Variants in CNTNAP2 observed in about 807,000 individuals in gnomAD.
CNTNAP2 encodes contactin-associated protein-like 2.
In CNTNAP2, 98 loss-of-function variants were observed where a neutral mutation model predicts 155.2. The ratio of observed to expected loss-of-function variants is 0.63; its 90% CI spans 0.54 to 0.75. The LOEUF (loss-of-function observed/expected upper bound fraction) is 0.75, where lower values mean the gene tolerates loss of function less well. Among genes scored for constraint, CNTNAP2 ranks in the 30% least tolerant of loss-of-function variants. The pLI, the probability that CNTNAP2 is intolerant of heterozygous loss-of-function variation, is 0.00. For missense variants in CNTNAP2, 1,727 were observed against 1,688.1 expected (o/e 1.02, Z -0.40); for synonymous variants, 651 against 631.2 (o/e 1.03, Z -0.47).
chr7:148,354,178 ATTTTTTTTT>A lies in CNTNAP2; in HGVS notation c.3476-29452_3476-29444del, dbSNP rs57278575. Among the ~76,000 whole-genome samples the A allele has an allele frequency of 3.3e-3, 327 of 99,340 alleles. 3 individuals are homozygous for A. Among genetic ancestry groups the A allele is most frequent in the East Asian group, 7.4e-3 (23 of 3,124 alleles). The allele number at this position is 99,340 out of a possible 152,430, so 65.2% of individuals were successfully genotyped here. ...GGTGCTGAGAAATACGAAACGATTA[ATTTTTTTTT>A]TTTTTTTTTTTTTTTTTTGTAAACC... On this transcript the variant is annotated intron_variant, in intron 21 of 23. Transcript: ENST00000361727.
Position 147,903,547 on chromosome 7 carries a change from C to T in CNTNAP2, c.2099-18C>T, listed in dbSNP as rs1030042067. 1 of 1,614,006 alleles carries T rather than the reference C, an allele frequency of 6.2e-7. No individual in the cohort carries two copies. Among genetic ancestry groups the T allele is most frequent in the Middle Eastern group, 1.6e-4 (1 of 6,062 alleles). ...AACCCAGGTCTGTTTCTAAATATAC[C>T]TTTGCCTTTTCTTGTAGATGGAAGC... On this transcript the variant is annotated intron_variant, in intron 13 of 23. Transcript: ENST00000361727.
chr7:147,473,466 C>T (rs1358989077), intron 10 of CNTNAP2, among the ~76,000 whole-genome samples: 4 of 151,842 alleles, frequency 2.6e-5, no homozygotes, highest in Non-Finnish European at 5.9e-5. Flanking sequence ...TTCCTCTGTT[C>T]TGGTTGTGTA....
At position 147,162,120 on chromosome 7, in the gene CNTNAP2, A is replaced by C. The variant is rs1004455668; in HGVS notation, c.1348+29611A>C. The C allele has an allele frequency of 1.9e-4, 29 of 152,164 alleles. No individual in the cohort carries two copies. In the Middle Eastern group the frequency reaches 0.01, roughly 54 times the overall value. 9.4% of individuals were successfully genotyped at this position (152,164 alleles called of 1,614,324 possible). A position where few individuals can be genotyped will look rare whatever the true frequency, so the allele number is the denominator to read the frequency against. Reference sequence around the variant, plus strand: ...TCAACTCACTTTTTGCACACTCACAAATATTCTATCTCTCAGTACTAAAGA... The same window carrying C: ...TCAACTCACTTTTTGCACACTCACACATATTCTATCTCTCAGTACTAAAGA... On this transcript the variant is annotated intron_variant, in intron 8 of 23. Coordinates refer to ENST00000361727, the MANE Select transcript of CNTNAP2 (RefSeq NM_014141.6).
intron 1 of CNTNAP2, among the ~76,000 whole-genome samples, chr7:146,185,522 G>A (rs1047391710): frequency 6.6e-6 from 1 of 152,152 alleles, no homozygotes; most frequent in African/African-American, 2.4e-5. Flanking sequence ...GGAACTCTCT[G>A]TAAATTTTAA....
intron 18 of CNTNAP2, among the ~76,000 whole-genome samples, chr7:148,180,030 T>G (rs922533600): frequency 2.0e-5 from 3 of 152,144 alleles, no homozygotes; most frequent in Non-Finnish European, 4.4e-5. Flanking sequence ...AGAAAATTAA[T>G]TAATACAAAA....
chr7:148,409,815 G>A (rs1355198636), intron 23 of CNTNAP2, among the ~76,000 whole-genome samples: 2,707 of 47,822 alleles, frequency 0.057, 165 homozygotes, highest in African/African-American at 0.075. Context: ...ACTTTGGGAG[G>A]CCGAGGCGGG....
chr7:147,407,376 A>G (rs67377045), intron 10 of CNTNAP2, among the ~76,000 whole-genome samples: 70,014 of 147,410 alleles, frequency 0.47, 19,107 homozygotes, highest in African/African-American at 0.77. Context: ...GCTGAGGCAG[A>G]AGAATGGCGT....
intron 1 of CNTNAP2, among the ~76,000 whole-genome samples, chr7:146,500,445 A>G (rs1170302109): frequency 6.6e-6 from 1 of 152,044 alleles, no homozygotes; most frequent in African/African-American, 2.4e-5. Context: ...AGTTGGGGGG[A>G]GGTAAAGAAG....
chr7:148,211,046 A>T (rs903988740), intron 18 of CNTNAP2, among the ~76,000 whole-genome samples: 14 of 152,244 alleles, frequency 9.2e-5, no homozygotes, highest in Non-Finnish European at 1.9e-4. Context: ...TGATGCATGC[A>T]GAGGATGATG....
chr7:146,408,223 T>G (rs1795819635), intron 1 of CNTNAP2, among the ~76,000 whole-genome samples: 1 of 152,132 alleles, frequency 6.6e-6, no homozygotes, highest in Non-Finnish European at 1.5e-5. Flanking sequence ...AAATTAACCA[T>G]TAAAAATAAG....
intron 21 of CNTNAP2, among the ~76,000 whole-genome samples, chr7:148,382,600 A>AG (rs1224420362): frequency 7.9e-5 from 12 of 152,228 alleles, no homozygotes; most frequent in Non-Finnish European, 1.5e-4. Flanking sequence ...GATGCTGGAG[A>AG]AGAACAAGGC....
chr7:148,099,868 G>GTTTTTTTTTT (rs751537152), intron 15 of CNTNAP2, among the ~76,000 whole-genome samples: 19 of 88,802 alleles, frequency 2.1e-4, no homozygotes, highest in Non-Finnish European at 2.7e-4. Context: ...TTTTTTTTTG[G>GTTTTTTTTTT]TTTTTTTTTT....
chr7:147,867,064 C>T (rs1163446125), intron 13 of CNTNAP2, among the ~76,000 whole-genome samples: 1 of 152,174 alleles, frequency 6.6e-6, no homozygotes, highest in African/African-American at 2.4e-5. Flanking sequence ...TACCACTTGG[C>T]ATGTTTTTGT....
chr7:148,244,723 C>G lies in CNTNAP2; in HGVS notation c.3381+14944C>G, dbSNP rs572708373. On this transcript the variant is annotated intron_variant, in intron 20 of 23. Coordinates refer to ENST00000361727, the MANE Select transcript of CNTNAP2 (RefSeq NM_014141.6). ...GACCACAGGCATGAGCCACCACACC[C>G]GGCTAATTTTTGTATTTTTTGTAGA... Among the ~76,000 whole-genome samples the G allele has an allele frequency of 2.0e-5, 3 of 151,738 alleles. No individual in the cohort carries two copies. The South Asian group carries it at 6.2e-4, about 32-fold the overall frequency.
chr7:146,967,816 A>G (rs1430812886), intron 3 of CNTNAP2, among the ~76,000 whole-genome samples: 25 of 151,746 alleles, frequency 1.6e-4, no homozygotes, highest in Admixed American at 5.3e-4. Flanking sequence ...TCTCCTGCCT[A>G]ATTGCCCTGG....
At chr7:146,943,828 A>G (rs533612831) in intron 3 of CNTNAP2, among the ~76,000 whole-genome samples, 9 of 152,302 alleles carry the variant, frequency 5.9e-5, no homozygotes, top group South Asian at 2.1e-4. Context: ...TACTACTGCA[A>G]TACTCAATTA....
At chr7:148,044,433 G>C (rs138586983) in intron 15 of CNTNAP2, among the ~76,000 whole-genome samples, 1 of 152,098 alleles carries the variant, frequency 6.6e-6, no homozygotes, top group African/African-American at 2.4e-5. Context: ...TAGTCTGAAT[G>C]TCTCTATCCT....
intron 13 of CNTNAP2, among the ~76,000 whole-genome samples, chr7:147,738,857 G>A (rs1171138793): frequency 6.6e-6 from 1 of 151,978 alleles, no homozygotes; most frequent in Non-Finnish European, 1.5e-5. Flanking sequence ...GTTTCGCCAT[G>A]ATGGCCAGGC....
chr7:148,071,466 G>A (rs975425579), intron 15 of CNTNAP2, among the ~76,000 whole-genome samples: 11 of 152,122 alleles, frequency 7.2e-5, no homozygotes, highest in Admixed American at 2.0e-4. Flanking sequence ...GTGACAGAGC[G>A]AGACTCCATC....
Sources: gnomAD v4.1 joint callset for allele counts (sites outside exome capture counted in the v4.1 genomes callset) on GRCh38, gnomAD v4.1.1 for gene constraint, MANE v1.5 for transcripts, NCBI Gene and HGNC (gene_info 2026-07-23, HGNC 2026-07-21) for gene names.